The following PCNX1 variants were observed in gnomAD, a reference collection of about 807,000 sequenced individuals.
PCNX1 encodes pecanex-like protein 1.
PCNX1 carries 78 observed loss-of-function variants against 242.2 expected under a neutral mutation model. That is an observed-to-expected ratio of 0.32 (90% CI 0.27 to 0.39). PCNX1 has a LOEUF of 0.39. Ranked by LOEUF, PCNX1 falls within the 10% of genes least tolerant of loss-of-function variation. The pLI, the probability that PCNX1 is intolerant of heterozygous loss-of-function variation, is 1.00. For synonymous variants in PCNX1, 1,024 were observed against 1,032.9 expected (o/e 0.99, Z 0.17); for missense variants, 2,581 against 2,856.5 (o/e 0.90, Z 2.20).
In PCNX1 at chr14:70,977,355, C is replaced by G. The variant is rs775063649; in HGVS notation, c.1018C>G (p.Gln340Glu). ...VENSGLSGEF[Q>E]LAGDLKINTS... ...AAATTCTGGTTTATCTGGGGAATTT[C>G]AGCTTGCTGGTGACTTGAAAATCAA... Residue 340 changes from glutamine (Q) to glutamate (E), a missense_variant, in exon 6 of 36, where the codon CAG becomes GAG. Coordinates refer to ENST00000304743, the MANE Select transcript of PCNX1 (RefSeq NM_014982.3). 1 of 1,614,164 alleles carries G rather than the reference C, an allele frequency of 6.2e-7. No homozygotes were observed. Among genetic ancestry groups the G allele is most frequent in the Non-Finnish European group, 8.5e-7 (1 of 1,180,034 alleles).
At chr14:71,073,885 T>A (rs1216111947) in intron 27 of PCNX1, 87 bp downstream of exon 27, 3 of 872,868 alleles carry the variant, frequency 3.4e-6, no homozygotes, top group Middle Eastern at 4.0e-4. Flanking sequence ...ATGTATATAC[T>A]TTTTTTTAAC....
chr14:71,096,181 GGCA>G (rs2062274781), intron 30 of PCNX1, among the ~76,000 whole-genome samples: 1 of 151,260 alleles, frequency 6.6e-6, no homozygotes, highest in African/African-American at 2.4e-5. Flanking sequence ...AGCTGGACGT[GGCA>G]GTGTGTGCCT....
chr14:71,094,292 A>T (rs1401374047), intron 30 of PCNX1, among the ~76,000 whole-genome samples: 2 of 152,238 alleles, frequency 1.3e-5, no homozygotes, highest in Non-Finnish European at 2.9e-5. Flanking sequence ...AAGTTTAGAG[A>T]GTAAATGCCA....
In PCNX1 at chr14:70,995,859, G is replaced by A. The variant is rs1019680973; in HGVS notation, c.2563G>A (p.Val855Ile). Reference sequence around the variant, plus strand: ...CTCCTTGCTGGTGAGAAATGGGAGTGTCCACTTAGAAGCATCACATGACAA... The same window carrying A: ...CTCCTTGCTGGTGAGAAATGGGAGTATCCACTTAGAAGCATCACATGACAA... Reference protein sequence around the residue: ...SASLLVRNGSVHLEASHDNAS... With the variant: ...SASLLVRNGSIHLEASHDNAS... The change falls in exon 8 of 36, where the codon GTC becomes ATC. Residue 855 changes from valine (V) to isoleucine (I), a missense_variant. Around this residue, in one of 9 missense-constraint regions of PCNX1, gnomAD observed 1,204 missense variants for 1,216.7 expected, o/e 0.99. Transcript: ENST00000304743. The A allele has an allele frequency of 5.6e-6, 9 of 1,613,926 alleles. No individual in the cohort carries two copies. The African/African-American group carries it at 8.0e-5, about 14-fold the overall frequency.
chr14:71,031,867 A>G, intron 16 of PCNX1: 1 of 1,456,496 alleles, frequency 6.9e-7, no homozygotes, highest in African/African-American at 1.4e-5. Context: ...CTGTTTCAGC[A>G]CTTTCACAGC....
At chr14:71,050,852 T>A in intron 23 of PCNX1, 92 bp downstream of exon 23, 2 of 1,165,864 alleles carry the variant, frequency 1.7e-6, no homozygotes, top group South Asian at 2.7e-5. Flanking sequence ...GGTGTAAGTT[T>A]ACTGTGTAAT....
At chr14:70,984,737 T>C (rs2058948682) in intron 6 of PCNX1, among the ~76,000 whole-genome samples, 1 of 152,148 alleles carries the variant, frequency 6.6e-6, no homozygotes, top group Non-Finnish European at 1.5e-5. Flanking sequence ...ACTCACAGCT[T>C]CCAATTTTTG....
intron 2 of PCNX1, among the ~76,000 whole-genome samples, chr14:70,950,501 G>A (rs2057733207): frequency 6.6e-6 from 1 of 152,004 alleles, no homozygotes; most frequent in Non-Finnish European, 1.5e-5. Flanking sequence ...GTTTTTCAGA[G>A]GTGGAATTAC....
At position 70,961,772 on chromosome 14, in the gene PCNX1, C is replaced by G. The variant is rs571917573; in HGVS notation, c.363-454C>G. 1.3e-5 allele frequency among the ~76,000 whole-genome samples: 2 copies of G among 152,162 alleles called. 1 individual carries two copies. The highest frequency in any genetic ancestry group is 4.1e-4 in the South Asian group (2 of 4,834). ...CGACTGTTCTCTTGTGTGTTCATCA[C>G]TGTATCATGCGGCTCATTGAGACTG... On this transcript the variant is annotated intron_variant, in intron 2 of 35. Coordinates refer to ENST00000304743, the MANE Select transcript of PCNX1 (RefSeq NM_014982.3).
chr14:70,990,687 G>A (rs1356739977), intron 7 of PCNX1, among the ~76,000 whole-genome samples: 2 of 152,016 alleles, frequency 1.3e-5, no homozygotes, highest in Admixed American at 1.3e-4. Flanking sequence ...AAAATGAGAA[G>A]ACAATCAATT....
intron 22 of PCNX1, 36 bp from the exon 23 acceptor site, chr14:71,050,616 T>G (rs961437166): frequency 6.5e-7 from 1 of 1,543,250 alleles, no homozygotes; most frequent in Non-Finnish European, 8.7e-7. Flanking sequence ...ATAAGTTTTT[T>G]TTTTTTTACT....
In PCNX1 at chr14:71,108,940, C is replaced by T. The variant is rs770415065; in HGVS notation, c.6638C>T (p.Ala2213Val). 6 of 1,614,202 alleles carry T rather than the reference C, an allele frequency of 3.7e-6. No individual in the cohort carries two copies. The highest frequency in any genetic ancestry group is 2.2e-5 in the South Asian group (2 of 91,084). Residue 2213 changes from alanine (A) to valine (V), a missense_variant, in exon 34 of 36, where the codon GCG (alanine) becomes GTG (valine). Coordinates refer to ENST00000304743, the MANE Select transcript of PCNX1 (RefSeq NM_014982.3). ...CATCACACTCTCGTGGGCTTTCTTG[C>T]GACAGAGGGAGGTCAGAGCAGTGCC... is the stretch of plus-strand genomic sequence containing the variant. ...CKHHTLVGFLATEGGQSSATD... is the reference protein window; with the variant it reads ...CKHHTLVGFLVTEGGQSSATD...
intron 2 of PCNX1, among the ~76,000 whole-genome samples, chr14:70,957,376 T>C (rs1469059821): frequency 6.6e-6 from 1 of 152,158 alleles, no homozygotes; most frequent in Non-Finnish European, 1.5e-5. Context: ...CTAGGCAAGA[T>C]TATCCATCAG....
chr14:71,106,354 A>G (rs146856638), intron 33 of PCNX1, among the ~76,000 whole-genome samples: 4 of 152,318 alleles, frequency 2.6e-5, no homozygotes, highest in Admixed American at 2.0e-4. Context: ...ATATTTAACT[A>G]TTATAATTAA....
chr14:70,998,033 A>G (rs892554434), intron 8 of PCNX1, among the ~76,000 whole-genome samples: 7 of 152,192 alleles, frequency 4.6e-5, no homozygotes, highest in Admixed American at 1.3e-4. Context: ...AGGTATATGC[A>G]TATGCATAAT....
Position 71,033,987 on chromosome 14 carries a change from C to G in PCNX1, c.3725C>G (p.Pro1242Arg). Residue 1242 changes from proline to arginine, a missense_variant, in exon 18 of 36, where the codon CCT becomes CGT. Transcript: ENST00000304743. ...PKTEEKNPED[P>R]LSEVKDPLPE... ...ACGGAAGAGAAAAATCCAGAAGACC[C>G]TCTATCTGAAGTAAAAGATCCACTG... The G allele has an allele frequency of 1.9e-6, 3 of 1,609,740 alleles. No homozygotes were observed. The highest frequency in any genetic ancestry group is 2.5e-6 in the Non-Finnish European group (3 of 1,177,528).
Position 71,055,511 on chromosome 14 carries a change from C to T in PCNX1, c.4585C>T (p.Arg1529Ter), listed in dbSNP as rs2061159551. 1.9e-6 allele frequency: 3 copies of T among 1,597,846 alleles called. No individual in the cohort carries two copies. Among genetic ancestry groups the T allele is most frequent in the African/African-American group, 1.3e-5 (1 of 74,502 alleles). Residue 1529 changes from arginine to a stop codon, truncating the protein, a stop_gained, in exon 25 of 36, where the codon CGA (arginine) becomes TGA (stop). Transcript: ENST00000304743. LOFTEE classifies it high-confidence loss of function. ...KFWERDYNTK[R>*]VDHSNTRLAS... Reference sequence around the variant, plus strand: ...ATGTTTTATTTTCTTTAGCACAAAACGAGTGGATCATTCAAATACCAGATT... The same window carrying T: ...ATGTTTTATTTTCTTTAGCACAAAATGAGTGGATCATTCAAATACCAGATT...
rs554442357 is a variant in PCNX1 at position 71,076,826 on chromosome 14, T to C, written c.5337+407T>C. 7.9e-5 allele frequency among the ~76,000 whole-genome samples: 12 copies of C among 152,382 alleles called. No homozygotes were observed. The South Asian group carries it at 1.2e-3, about 16-fold the overall frequency. ...TAGACCAGTGCTGGCTAATGGACTTTCTGCAGTGTTGGAAATATGCTGTCA... is the reference window on the plus strand; with the variant it reads ...TAGACCAGTGCTGGCTAATGGACTTCCTGCAGTGTTGGAAATATGCTGTCA... On this transcript the variant is annotated intron_variant, in intron 28 of 35. Coordinates refer to ENST00000304743, the MANE Select transcript of PCNX1 (RefSeq NM_014982.3).
At position 71,076,326 on chromosome 14, in the gene PCNX1, A is replaced by G. The variant is rs1221519816; in HGVS notation, c.5244A>G (p.Glu1748=). Residue 1748 remains glutamate, a synonymous_variant, in exon 28 of 36, where the codon GAA becomes GAG. Transcript: ENST00000304743. The part of the protein sequence containing the change: ...VDPTFNPNID[E]DYDHRLAGIS... ...CGACCTTTAATCCAAACATTGATGAAGACTATGACCACCGACTGGCAGGCA... is the reference window on the plus strand; with the variant it reads ...CGACCTTTAATCCAAACATTGATGAGGACTATGACCACCGACTGGCAGGCA... The G allele has an allele frequency of 6.2e-7, 1 of 1,613,794 alleles. No individual in the cohort carries two copies. Among genetic ancestry groups the G allele is most frequent in the Non-Finnish European group, 8.5e-7 (1 of 1,179,846 alleles).
Sources: allele counts gnomAD v4.1 joint callset (sites outside exome capture counted in the v4.1 genomes callset), GRCh38; gene constraint gnomAD v4.1.1; regional missense constraint gnomAD v4.1.1; transcripts MANE v1.5; gene names NCBI Gene and HGNC (gene_info 2026-07-23, HGNC 2026-07-21).